The following MTHFD2L variants were observed in gnomAD, a reference collection of about 807,000 sequenced individuals.
The protein encoded by MTHFD2L is bifunctional methylenetetrahydrofolate dehydrogenase/cyclohydrolase 2, mitochondrial.
MTHFD2L carries 29 observed loss-of-function variants against 34.9 expected under a neutral mutation model. That is an observed-to-expected ratio of 0.83 (90% confidence interval 0.62 to 1.13). MTHFD2L has a LOEUF of 1.13. MTHFD2L is among the 50% of genes most tolerant of loss of function. MTHFD2L has a pLI of 0.00. For missense variants in MTHFD2L, 481 were observed against 446.5 expected, an observed-to-expected ratio of 1.08 and a Z score of -0.70; for synonymous variants, 167 against 155.7, an observed-to-expected ratio of 1.07 and a Z score of -0.54.
intron 7 of MTHFD2L, among the ~76,000 whole-genome samples, chr4:74,292,405 T>A (rs1467833707): frequency 6.6e-6 from 1 of 152,150 alleles, no homozygotes; most frequent in African/African-American, 2.4e-5. Context: ...TTCTCAGTGA[T>A]CCATATTAAA....
At chr4:74,239,956 G>A (rs1741456764) in intron 6 of MTHFD2L, among the ~76,000 whole-genome samples, 1 of 152,112 alleles carries the variant, frequency 6.6e-6, no homozygotes, top group African/African-American at 2.4e-5. Context: ...TCCCAGGGTA[G>A]TTGGTCAGGA....
At chr4:74,295,890 T>A (rs1250384640) in intron 7 of MTHFD2L, among the ~76,000 whole-genome samples, 1 of 152,168 alleles carries the variant, frequency 6.6e-6, no homozygotes, top group Admixed American at 6.6e-5. Context: ...AAACTCGGCA[T>A]GGATATGCCA....
chr4:74,285,867 C>T (rs6830535), intron 7 of MTHFD2L, among the ~76,000 whole-genome samples: 6,645 of 152,124 alleles, frequency 0.044, 446 homozygotes, highest in African/African-American at 0.15. Flanking sequence ...GCCATAATCA[C>T]TTCTACATGA....
At chr4:74,138,531 A>G (rs1723089139) in intron 1 of MTHFD2L, among the ~76,000 whole-genome samples, 1 of 152,206 alleles carries the variant, frequency 6.6e-6, no homozygotes, top group Non-Finnish European at 1.5e-5. Context: ...AAGCTCAATT[A>G]GGACAAACCT....
chr4:74,247,964 G>A (rs1481978900), intron 6 of MTHFD2L, among the ~76,000 whole-genome samples: 5 of 152,074 alleles, frequency 3.3e-5, no homozygotes, highest in East Asian at 1.9e-4. Flanking sequence ...GTCTCTGCCC[G>A]GCTTTGGTGT....
At chr4:74,255,380 G>A (rs1490763668) in intron 6 of MTHFD2L, among the ~76,000 whole-genome samples, 2 of 151,852 alleles carry the variant, frequency 1.3e-5, no homozygotes, top group Admixed American at 1.3e-4. Flanking sequence ...AAAAGTTAAA[G>A]GAATCAAAGC....
At position 74,284,604 on chromosome 4, in the gene MTHFD2L, A is replaced by G. The variant is rs190879504; in HGVS notation, c.931+3054A>G. Reference sequence around the variant, plus strand: ...TATTAGCCCTTTATCATATAAGTAGATGCAAAAATTTTCTCCCATTCTGTA... The same window carrying G: ...TATTAGCCCTTTATCATATAAGTAGGTGCAAAAATTTTCTCCCATTCTGTA... On this transcript the variant is annotated intron_variant, in intron 7 of 7. Coordinates refer to ENST00000325278, the MANE Select transcript of MTHFD2L (RefSeq NM_001144978.3). Among the ~76,000 whole-genome samples the G allele has an allele frequency of 6.1e-4, 93 of 151,814 alleles. 1 individual carries two copies. Among genetic ancestry groups the G allele is most frequent in the Non-Finnish European group, 8.8e-4 (60 of 67,884 alleles).
At chr4:74,231,584 C>G (rs1272438034) in intron 6 of MTHFD2L, among the ~76,000 whole-genome samples, 1 of 152,168 alleles carries the variant, frequency 6.6e-6, no homozygotes, top group African/African-American at 2.4e-5. Flanking sequence ...TTCCTTCCCT[C>G]CTTCCTAAAA....
intron 1 of MTHFD2L, among the ~76,000 whole-genome samples, chr4:74,144,638 A>G (rs751717461): frequency 7.9e-5 from 12 of 151,964 alleles, no homozygotes; most frequent in Non-Finnish European, 1.5e-4. Flanking sequence ...ATACTTTACT[A>G]TTTTTTCTTC....
intron 1 of MTHFD2L, among the ~76,000 whole-genome samples, chr4:74,150,027 A>G (rs1466224866): frequency 6.6e-6 from 1 of 152,114 alleles, no homozygotes; most frequent in Non-Finnish European, 1.5e-5. Flanking sequence ...AGAGAGAAAT[A>G]ATGGAAGAAG....
intron 6 of MTHFD2L, among the ~76,000 whole-genome samples, chr4:74,242,387 C>A (rs1741851458): frequency 6.6e-6 from 1 of 151,966 alleles, no homozygotes; most frequent in Non-Finnish European, 1.5e-5. Flanking sequence ...TTAGTATAGG[C>A]TTATCATTTC....
intron 6 of MTHFD2L, among the ~76,000 whole-genome samples, chr4:74,239,226 G>A (rs764986926): frequency 1.6e-4 from 25 of 152,190 alleles, no homozygotes; most frequent in Middle Eastern, 6.8e-3. Context: ...TGAGCAAACT[G>A]TCACAAGGAC....
intron 6 of MTHFD2L, among the ~76,000 whole-genome samples, chr4:74,231,171 A>T (rs1404653891): frequency 1.3e-5 from 2 of 152,146 alleles, no homozygotes; most frequent in African/African-American, 4.8e-5. Context: ...CAGAATATTC[A>T]TACTTACTTG....
intron 2 of MTHFD2L, among the ~76,000 whole-genome samples, chr4:74,115,807 T>A (rs148280226): frequency 6.6e-6 from 1 of 152,232 alleles, no homozygotes; most frequent in Admixed American, 6.5e-5. Flanking sequence ...GATAGCTGAA[T>A]GCATAAAGTA....
intron 6 of MTHFD2L, among the ~76,000 whole-genome samples, chr4:74,272,531 C>G (rs1560549448): frequency 2.0e-5 from 3 of 151,864 alleles, no homozygotes; most frequent in African/African-American, 7.3e-5. Flanking sequence ...AATATATTAA[C>G]TTTTTTGTCA....
upstream of MTHFD2L, chr4:74,125,335 A>G (rs759807676): frequency 1.3e-5 from 2 of 152,148 alleles, no homozygotes; most frequent in Non-Finnish European, 2.9e-5. Flanking sequence ...TCCTGTTGGG[A>G]TCATTTCCAT....
intron 6 of MTHFD2L, among the ~76,000 whole-genome samples, chr4:74,231,424 A>G (rs898254558): frequency 2.6e-5 from 4 of 152,122 alleles, no homozygotes; most frequent in Admixed American, 1.3e-4. Context: ...CGGGAGTACA[A>G]CTTGCTCACT....
chr4:74,255,679 G>A (rs997943596), intron 6 of MTHFD2L, among the ~76,000 whole-genome samples: 23 of 152,118 alleles, frequency 1.5e-4, no homozygotes, highest in African/African-American at 5.5e-4. Context: ...AGTGTCTACT[G>A]TTGCCATCTT....
At chr4:74,231,011 G>A (rs529367196) in intron 6 of MTHFD2L, among the ~76,000 whole-genome samples, 49 of 152,226 alleles carry the variant, frequency 3.2e-4, no homozygotes, top group African/African-American at 1.1e-3. Context: ...GCAGTGTCAC[G>A]GTGGTGAAAG....
Sources: gnomAD v4.1 joint callset for allele counts (sites outside exome capture counted in the v4.1 genomes callset) on GRCh38, gnomAD v4.1.1 for gene constraint, MANE v1.5 for transcripts, NCBI Gene and HGNC (gene_info 2026-07-23, HGNC 2026-07-21) for gene names.